The following CDS1 variants were observed in gnomAD, a reference collection of about 807,000 sequenced individuals.
CDS1 encodes CDP-diacylglycerol synthase 1.
A neutral mutation model predicts 62.1 loss-of-function variants in CDS1; 41 were observed. The ratio of observed to expected loss-of-function variants is 0.66; its 90% CI spans 0.51 to 0.86. The LOEUF is 0.86. Ranked by LOEUF, CDS1 falls within the 40% of genes least tolerant of loss-of-function variation. The probability of loss-of-function intolerance (pLI) is 0.00; values close to 1 mark genes in which losing one functional copy is unlikely to be tolerated. For synonymous variants in CDS1, 185 were observed against 192.6 expected, an observed-to-expected ratio of 0.96 and a Z score of 0.32; for missense variants, 470 against 550.1, an observed-to-expected ratio of 0.85 and a Z score of 1.46.
rs112376556 is a variant in CDS1 at position 84,583,296 on chromosome 4, C to T, written c.-106C>T. 1.4e-5 allele frequency: 11 copies of T among 768,890 alleles called. No homozygotes were observed. In the African/African-American group the frequency reaches 1.7e-4, roughly 12 times the overall value. 47.6% of individuals were successfully genotyped at this position (768,890 alleles called of 1,614,324 possible). A position where few individuals can be genotyped will look rare whatever the true frequency, so the allele number is the denominator to read the frequency against. ...TAGTGGCTGCGGCTCCGCGGGACTC[C>T]AGGGCGCGGCTGCGAGGTGGCGGGG... On this transcript the variant is annotated 5_prime_UTR_variant, in exon 1 of 13. Coordinates refer to ENST00000295887, the MANE Select transcript of CDS1 (RefSeq NM_001263.4).
intron 8 of CDS1, among the ~76,000 whole-genome samples, chr4:84,637,719 T>A (rs1724256624): frequency 6.6e-6 from 1 of 152,214 alleles, no homozygotes; most frequent in Non-Finnish European, 1.5e-5. Context: ...AGCCTTCTAG[T>A]GAATTTATCA....
chr4:84,603,931 C>T (rs928684475), intron 1 of CDS1, among the ~76,000 whole-genome samples: 2 of 152,138 alleles, frequency 1.3e-5, no homozygotes. Flanking sequence ...GAACTAACAC[C>T]GTGATCTCCC....
chr4:84,632,283 T>C (rs1455255863), intron 6 of CDS1, among the ~76,000 whole-genome samples: 2 of 152,236 alleles, frequency 1.3e-5, no homozygotes, highest in African/African-American at 2.4e-5. Context: ...GAGCATGTAT[T>C]ATCTTGGTGG....
At chr4:84,630,639 T>C (rs1398983588) in intron 5 of CDS1, among the ~76,000 whole-genome samples, 1 of 152,120 alleles carries the variant, frequency 6.6e-6, no homozygotes, top group Non-Finnish European at 1.5e-5. Context: ...GAGAACTCAC[T>C]CTTTAAAGAT....
chr4:84,596,101 C>T (rs969342917), intron 1 of CDS1, among the ~76,000 whole-genome samples: 5 of 152,128 alleles, frequency 3.3e-5, no homozygotes, highest in Non-Finnish European at 7.3e-5. Flanking sequence ...TCATAATTCT[C>T]TCAGCACATA....
At chr4:84,588,071 G>A (rs1032466922) in intron 1 of CDS1, among the ~76,000 whole-genome samples, 1 of 152,168 alleles carries the variant, frequency 6.6e-6, no homozygotes, top group African/African-American at 2.4e-5. Flanking sequence ...CTCAAAATAT[G>A]TCAAAGAAGT....
intron 3 of CDS1, among the ~76,000 whole-genome samples, chr4:84,612,528 T>TA (rs1402326865): frequency 1.3e-5 from 2 of 152,210 alleles, no homozygotes; most frequent in Non-Finnish European, 2.9e-5. Context: ...AAGACAGTTT[T>TA]AAAGACATGC....
At chr4:84,610,495 G>A (rs1045346741) in intron 3 of CDS1, among the ~76,000 whole-genome samples, 1 of 152,164 alleles carries the variant, frequency 6.6e-6, no homozygotes, top group Non-Finnish European at 1.5e-5. Flanking sequence ...TCATTCATTC[G>A]TGTAACAAAC....
In CDS1 at chr4:84,617,606, A is replaced by G. The variant is rs774959741; in HGVS notation, c.385A>G (p.Ile129Val). The G allele has an allele frequency of 6.3e-6, 10 of 1,597,690 alleles. No homozygotes were observed. Among genetic ancestry groups the G allele is most frequent in the African/African-American group, 5.4e-5 (4 of 74,552 alleles). The change falls in exon 4 of 13, where the codon ATA (isoleucine) becomes GTA (valine). Residue 129 changes from isoleucine (I) to valine (V), a missense_variant. Physicochemically the swap from Ile to Val is conservative, Grantham distance 29. Transcript: ENST00000295887. ...QVKCFHEIIT[I>V]GYRVYHSYDL... ...GAAATGCTTCCATGAAATTATCACTATAGGTTATAGAGTCTATCATTCTTA... is the reference window on the plus strand; with the variant it reads ...GAAATGCTTCCATGAAATTATCACTGTAGGTTATAGAGTCTATCATTCTTA...
intron 5 of CDS1, among the ~76,000 whole-genome samples, chr4:84,630,522 C>A (rs1220550991): frequency 6.6e-6 from 1 of 152,092 alleles, no homozygotes; most frequent in South Asian, 2.1e-4. Flanking sequence ...AGTAGTAATA[C>A]CCTTGTTTAC....
intron 1 of CDS1, among the ~76,000 whole-genome samples, chr4:84,590,357 A>C (rs1379701202): frequency 1.3e-5 from 2 of 152,234 alleles, no homozygotes; most frequent in African/African-American, 4.8e-5. Context: ...AAAAGAGTGA[A>C]TCTAAAGGCA....
chr4:84,596,201 T>C (rs1722743755), intron 1 of CDS1, among the ~76,000 whole-genome samples: 1 of 152,196 alleles, frequency 6.6e-6, no homozygotes, highest in Non-Finnish European at 1.5e-5. Flanking sequence ...AATGTTGGCA[T>C]GCGAAGAGTT....
Position 84,651,244 on chromosome 4 carries a change from T to C in CDS1, c.*2558T>C, listed in dbSNP as rs1053043137. The C allele has an allele frequency of 6.6e-6, 1 of 152,174 alleles. No homozygotes were observed. Among genetic ancestry groups the C allele is most frequent in the African/African-American group, 2.4e-5 (1 of 41,452 alleles). 9.4% of individuals were successfully genotyped at this position (152,174 alleles called of 1,614,324 possible). ...AAGCATAAACAGTGTATATTTAGGG[T>C]ATATGGGTGATAGCTTATGATGTGT... On this transcript the variant is annotated 3_prime_UTR_variant, in exon 13 of 13. Coordinates refer to ENST00000295887, the MANE Select transcript of CDS1 (RefSeq NM_001263.4).
intron 4 of CDS1, 89 bp from the exon 5 acceptor site, chr4:84,619,303 TTG>T (rs1333409420): frequency 1.7e-6 from 1 of 605,896 alleles, no homozygotes; most frequent in Non-Finnish European, 2.6e-6. Context: ...GTTTTGATCT[TTG>T]TGTCATCAGA....
At chr4:84,594,519 A>T (rs1578017354) in intron 1 of CDS1, among the ~76,000 whole-genome samples, 1 of 152,146 alleles carries the variant, frequency 6.6e-6, no homozygotes, top group East Asian at 1.9e-4. Context: ...TCAGAATTAT[A>T]ATCTTGAAAT....
Position 84,609,545 on chromosome 4 carries a change from CTGAG to C in CDS1, c.342+23_342+26del. 1 of 1,287,750 alleles carries C rather than the reference CTGAG, an allele frequency of 7.8e-7. No individual in the cohort carries two copies. Among genetic ancestry groups the C allele is most frequent in the Non-Finnish European group, 1.1e-6 (1 of 886,408 alleles). 79.8% of individuals were successfully genotyped at this position (1,287,750 alleles called of 1,614,324 possible). A position where few individuals can be genotyped will look rare whatever the true frequency, so the allele number is the denominator to read the frequency against. On this transcript the variant is annotated intron_variant, in intron 3 of 12. Transcript: ENST00000295887. The stretch of plus-strand genomic sequence containing the variant: ...CTTCTTGTAAGTTTTTGACTTTTCC[CTGAG>C]TGTCTCTTGCTTTGTTTTTCAACAT...
intron 2 of CDS1, among the ~76,000 whole-genome samples, chr4:84,608,822 T>C (rs1262912769): frequency 6.6e-6 from 1 of 152,084 alleles, no homozygotes; most frequent in Non-Finnish European, 1.5e-5. Flanking sequence ...GACTTTCACA[T>C]CCACCCTGAC....
intron 2 of CDS1, among the ~76,000 whole-genome samples, chr4:84,605,085 A>G (rs1434241693): frequency 6.6e-6 from 1 of 152,246 alleles, no homozygotes; most frequent in East Asian, 1.9e-4. Flanking sequence ...TAAAATTTAT[A>G]AAAGCAAAGT....
rs371515465 is a variant in CDS1 at position 84,588,820 on chromosome 4, T to C, written c.117+5302T>C. Among the ~76,000 whole-genome samples, 12 of 152,352 alleles carry C rather than the reference T, an allele frequency of 7.9e-5. No homozygotes were observed. The East Asian group carries it at 2.3e-3, about 29-fold the overall frequency. ...AAGTAATTGGAGAAGTTGCAAATCT[T>C]GTGATCTCCAGACCAGTGGCTGGTA... On this transcript the variant is annotated intron_variant, in intron 1 of 12. Coordinates refer to ENST00000295887, the MANE Select transcript of CDS1 (RefSeq NM_001263.4).
Sources: gnomAD v4.1 joint callset for allele counts (sites outside exome capture counted in the v4.1 genomes callset) on GRCh38, gnomAD v4.1.1 for gene constraint, MANE v1.5 for transcripts, NCBI Gene and HGNC (gene_info 2026-07-23, HGNC 2026-07-21) for gene names.